Variants in ARHGAP15 observed in about 807,000 individuals in gnomAD.
ARHGAP15 encodes the protein rho GTPase-activating protein 15.
Under a neutral mutation model 63.7 loss-of-function variants are expected in ARHGAP15, and 51 were observed. The ratio of observed to expected loss-of-function variants is 0.80; its 90% CI spans 0.64 to 1.01. The LOEUF is 1.01. ARHGAP15 is among the 50% of genes least tolerant of loss of function. ARHGAP15 has a pLI of 0.00. For missense variants in ARHGAP15, 560 were observed against 564.6 expected, an observed-to-expected ratio of 0.99 and a Z score of 0.08; for synonymous variants, 191 against 193.8, an observed-to-expected ratio of 0.99 and a Z score of 0.12.
chr2:143,311,228 G>C (rs915613015), intron 6 of ARHGAP15, among the ~76,000 whole-genome samples: 2 of 151,500 alleles, frequency 1.3e-5, no homozygotes, highest in African/African-American at 4.8e-5. Context: ...TAAGCACACG[G>C]TGTATCAATT....
chr2:143,328,197 G>T (rs1684344586), intron 6 of ARHGAP15, among the ~76,000 whole-genome samples: 1 of 152,112 alleles, frequency 6.6e-6, no homozygotes, highest in Non-Finnish European at 1.5e-5. Flanking sequence ...ATTCCTCAAG[G>T]ATCTAGAACC....
At chr2:143,403,752 ATACAAT>A (rs1262910440) in intron 6 of ARHGAP15, among the ~76,000 whole-genome samples, 2 of 151,908 alleles carry the variant, frequency 1.3e-5, no homozygotes, top group Non-Finnish European at 2.9e-5. Flanking sequence ...GTAATTTTAA[ATACAAT>A]TATTTAAATT....
intron 6 of ARHGAP15, among the ~76,000 whole-genome samples, chr2:143,325,938 T>C (rs986897603): frequency 2.6e-5 from 4 of 152,176 alleles, no homozygotes; most frequent in Admixed American, 2.0e-4. Flanking sequence ...TCCCTAAATA[T>C]TGCCCACACT....
chr2:143,591,632 T>TTTTTTTTTC (rs1559068617), intron 11 of ARHGAP15, among the ~76,000 whole-genome samples: 3 of 146,830 alleles, frequency 2.0e-5, no homozygotes, highest in Admixed American at 6.7e-5. Flanking sequence ...TTTTTCTTTT[T>TTTTTTTTTC]TTTTTTAGAG....
At chr2:143,553,421 T>C (rs772081882) in intron 10 of ARHGAP15, among the ~76,000 whole-genome samples, 10 of 152,328 alleles carry the variant, frequency 6.6e-5, no homozygotes, top group Non-Finnish European at 1.5e-4. Context: ...TGTGTCAAGA[T>C]AGATTCATAT....
intron 8 of ARHGAP15, among the ~76,000 whole-genome samples, chr2:143,483,059 A>C (rs1010477393): frequency 6.6e-6 from 1 of 152,248 alleles, no homozygotes; most frequent in African/African-American, 2.4e-5. Context: ...AATCATGTCC[A>C]AGACTCTGCT....
At chr2:143,342,469 C>T (rs1347272472) in intron 6 of ARHGAP15, among the ~76,000 whole-genome samples, 2 of 152,026 alleles carry the variant, frequency 1.3e-5, no homozygotes, top group Admixed American at 6.6e-5. Context: ...TCATTCTCTC[C>T]TGTATGGCGA....
chr2:143,226,477 G>A (rs1394893654), intron 4 of ARHGAP15, among the ~76,000 whole-genome samples: 3 of 152,128 alleles, frequency 2.0e-5, no homozygotes, highest in Non-Finnish European at 4.4e-5. Flanking sequence ...AAATAAGGGT[G>A]GTGTTAAAAG....
chr2:143,639,799 C>T (rs933907784), intron 12 of ARHGAP15, among the ~76,000 whole-genome samples: 2 of 152,056 alleles, frequency 1.3e-5, no homozygotes, highest in African/African-American at 4.8e-5. Context: ...ACCCTCCATA[C>T]CCATAATAAA....
At chr2:143,431,041 A>G (rs1333820828) in intron 6 of ARHGAP15, among the ~76,000 whole-genome samples, 1 of 151,970 alleles carries the variant, frequency 6.6e-6, no homozygotes, top group East Asian at 1.9e-4. Flanking sequence ...TCTTAGATAT[A>G]TTTTTTCATA....
intron 13 of ARHGAP15, among the ~76,000 whole-genome samples, chr2:143,746,405 A>G (rs1686166334): frequency 6.6e-6 from 1 of 152,220 alleles, no homozygotes; most frequent in African/African-American, 2.4e-5. Flanking sequence ...GATAGGAAGA[A>G]CATAGGGAGA....
intron 10 of ARHGAP15, among the ~76,000 whole-genome samples, chr2:143,548,159 T>A (rs1043655309): frequency 3.3e-5 from 5 of 152,088 alleles, no homozygotes; most frequent in African/African-American, 1.2e-4. Flanking sequence ...CCAATATTAA[T>A]GATAAATATT....
intron 12 of ARHGAP15, among the ~76,000 whole-genome samples, chr2:143,686,514 TTAAAA>T (rs1416752196): frequency 2.6e-5 from 4 of 151,826 alleles, no homozygotes; most frequent in Admixed American, 6.6e-5. Context: ...CTAATTCTAT[TTAAAA>T]TATTTCCCAC....
At chr2:143,736,330 A>G (rs1685743226) in intron 13 of ARHGAP15, among the ~76,000 whole-genome samples, 1 of 151,230 alleles carries the variant, frequency 6.6e-6, no homozygotes, top group African/African-American at 2.4e-5. Flanking sequence ...CAGGAGGTGG[A>G]GGTTGCAGTG....
chr2:143,673,682 G>GA (rs1408483387), intron 12 of ARHGAP15, among the ~76,000 whole-genome samples: 1 of 144,472 alleles, frequency 6.9e-6, no homozygotes, highest in African/African-American at 2.5e-5. Flanking sequence ...TAAGTTGGGA[G>GA]AAAATGTTCA....
intron 7 of ARHGAP15, 58 bp downstream of exon 7, chr2:143,435,757 A>G (rs1689587008): frequency 1.3e-6 from 2 of 1,517,492 alleles, no homozygotes; most frequent in Non-Finnish European, 1.8e-6. Context: ...TTTAAATCTT[A>G]TTGCTCAGGC....
At chr2:143,543,852 G>A (rs1695210567) in intron 10 of ARHGAP15, among the ~76,000 whole-genome samples, 1 of 152,190 alleles carries the variant, frequency 6.6e-6, no homozygotes, top group African/African-American at 2.4e-5. Context: ...AGTAACCAGA[G>A]GGTGCATACT....
At chr2:143,689,168 T>C (rs1683482571) in intron 12 of ARHGAP15, among the ~76,000 whole-genome samples, 1 of 152,194 alleles carries the variant, frequency 6.6e-6, no homozygotes, top group African/African-American at 2.4e-5. Context: ...GTCATCCGTA[T>C]CACAAACCTA....
At chr2:143,465,733 T>G (rs1324640058) in intron 8 of ARHGAP15, among the ~76,000 whole-genome samples, 1 of 152,032 alleles carries the variant, frequency 6.6e-6, no homozygotes, top group Non-Finnish European at 1.5e-5. Flanking sequence ...TTTTCATCAC[T>G]ACTTTTTGAC....
Sources: allele counts gnomAD v4.1 joint callset (sites outside exome capture counted in the v4.1 genomes callset), GRCh38; gene constraint gnomAD v4.1.1; transcripts MANE v1.5; gene names NCBI Gene and HGNC (gene_info 2026-07-23, HGNC 2026-07-21).